Variants in SYBU observed in about 807,000 individuals in gnomAD.
The protein encoded by SYBU is GOLSYN A protein.
A neutral mutation model predicts 35.9 loss-of-function variants in SYBU; 21 were observed. That is an observed-to-expected ratio of 0.58 (90% CI 0.41 to 0.84). The LOEUF (loss-of-function observed/expected upper bound fraction) is 0.84, where lower values mean the gene tolerates loss of function less well. Ranked by LOEUF, SYBU falls within the 40% of genes least tolerant of loss-of-function variation. The probability of loss-of-function intolerance (pLI) is 0.00; values close to 1 mark genes in which losing one functional copy is unlikely to be tolerated. For missense variants in SYBU, 768 were observed against 848.2 expected, an observed-to-expected ratio of 0.91 and a Z score of 1.17; for synonymous variants, 319 against 324.3, an observed-to-expected ratio of 0.98 and a Z score of 0.18.
Position 109,577,884 on chromosome 8 carries a change from G to A in SYBU, c.868C>T (p.Arg290Cys), listed in dbSNP as rs748938574. The A allele has an allele frequency of 9.9e-6, 16 of 1,612,890 alleles. No individual in the cohort carries two copies. The highest frequency in any genetic ancestry group is 4.4e-5 in the South Asian group (4 of 90,748). The change falls in exon 6 of 7, where the codon CGC becomes TGC. Residue 290 changes from arginine (R) to cysteine (C), a missense_variant. Transcript: ENST00000276646. ...CAGATTCACCTTTCATGGAGTCGGC[G>A]CTCAGATTCCTTCAGCTTGGTTTTG... ...HLKTKLKESE[R>C]RLHERESEIV...
intron 2 of SYBU, among the ~76,000 whole-genome samples, chr8:109,621,739 C>T (rs1218081649): frequency 6.6e-6 from 1 of 152,168 alleles, no homozygotes; most frequent in Admixed American, 6.5e-5. Context: ...TAAAGTTAAT[C>T]CATATCCAAG....
intron 3 of SYBU, among the ~76,000 whole-genome samples, chr8:109,597,757 C>G: frequency 6.6e-6 from 1 of 152,112 alleles, no homozygotes; most frequent in Admixed American, 6.5e-5. Flanking sequence ...AACTGCTATG[C>G]TTTTTAGATG....
intron 1 of SYBU, among the ~76,000 whole-genome samples, chr8:109,656,593 G>A (rs1049820951): frequency 6.6e-6 from 1 of 152,214 alleles, no homozygotes; most frequent in African/African-American, 2.4e-5. Context: ...GCTCACTTAA[G>A]AATTGCCTTA....
intron 3 of SYBU, among the ~76,000 whole-genome samples, chr8:109,595,124 TG>T (rs1173489283): frequency 1.3e-5 from 2 of 152,212 alleles, no homozygotes; most frequent in Non-Finnish European, 2.9e-5. Flanking sequence ...TTACCCTCTT[TG>T]AACCATATCA....
At chr8:109,630,692 T>C (rs1338458543) in intron 2 of SYBU, among the ~76,000 whole-genome samples, 1 of 152,120 alleles carries the variant, frequency 6.6e-6, no homozygotes, top group Non-Finnish European at 1.5e-5. Context: ...GAAAAATGGG[T>C]TTATGATTGT....
chr8:109,632,065 T>G (rs1813687131), intron 2 of SYBU, among the ~76,000 whole-genome samples: 1 of 152,158 alleles, frequency 6.6e-6, no homozygotes, highest in Non-Finnish European at 1.5e-5. Context: ...TTTTATTTTT[T>G]TGAGACAGAG....
chr8:109,656,472 T>A (rs1816360980), intron 1 of SYBU, among the ~76,000 whole-genome samples: 1 of 152,214 alleles, frequency 6.6e-6, no homozygotes, highest in African/African-American at 2.4e-5. Flanking sequence ...TTGTCATTTT[T>A]CTCTTTTAAT....
intron 1 of SYBU, among the ~76,000 whole-genome samples, chr8:109,651,455 T>C (rs1816134605): frequency 7.5e-6 from 1 of 132,678 alleles, no homozygotes; most frequent in Non-Finnish European, 1.6e-5. Flanking sequence ...AGACTTTTTT[T>C]TTTTTTTTTT....
intron 2 of SYBU, among the ~76,000 whole-genome samples, chr8:109,623,031 G>GCACA (rs71305963): frequency 2.7e-5 from 4 of 150,782 alleles, no homozygotes; most frequent in African/African-American, 7.3e-5. Context: ...GTGCGCGCGC[G>GCACA]CACACACACA....
chr8:109,623,394 A>T (rs2130427903), intron 2 of SYBU, among the ~76,000 whole-genome samples: 1 of 152,356 alleles, frequency 6.6e-6, no homozygotes, highest in East Asian at 1.9e-4. Context: ...ATTGGTGAAC[A>T]CACAGGATTA....
At chr8:109,678,058 C>T (rs772804599) in intron 1 of SYBU, among the ~76,000 whole-genome samples, 5 of 136,058 alleles carry the variant, frequency 3.7e-5, no homozygotes, top group East Asian at 2.6e-4. Context: ...CACTTGAACC[C>T]GGGAGGTGGG....
intron 1 of SYBU, among the ~76,000 whole-genome samples, chr8:109,690,816 C>G (rs1308614559): frequency 6.6e-6 from 1 of 152,172 alleles, no homozygotes; most frequent in East Asian, 1.9e-4. Context: ...CCTTTCTCAC[C>G]TGGAATAGTC....
At chr8:109,634,702 C>T (rs902960166) in intron 2 of SYBU, among the ~76,000 whole-genome samples, 1 of 152,098 alleles carries the variant, frequency 6.6e-6, no homozygotes, top group Non-Finnish European at 1.5e-5. Flanking sequence ...CTTTGGGAGG[C>T]CAAAGCAAGC....
Position 109,642,784 on chromosome 8 carries a change from T to C in SYBU, c.173A>G (p.Asn58Ser), listed in dbSNP as rs1386138829. Residue 58 changes from asparagine (N) to serine (S), a missense_variant, in exon 2 of 7, where the codon AAC (asparagine) becomes AGC (serine). By Grantham distance (46) the Asn-to-Ser change is conservative (BLOSUM62 1). Coordinates refer to ENST00000276646, the MANE Select transcript of SYBU (RefSeq NM_001099754.2). ...CGCTGAGCGCCCAGAGCTGCTGGGG[T>C]TGAACTCTCTGCTCTCTTCCTCAGA... Reference protein sequence around the residue: ...PFSEEESREFNPSSSGRSART... With the variant: ...PFSEEESREFSPSSSGRSART... 1 of 1,613,582 alleles carries C rather than the reference T, an allele frequency of 6.2e-7. No individual in the cohort carries two copies. Among genetic ancestry groups the C allele is most frequent in the South Asian group, 1.1e-5 (1 of 90,966 alleles).
intron 2 of SYBU, among the ~76,000 whole-genome samples, chr8:109,631,188 T>A (rs1813586107): frequency 6.6e-6 from 1 of 152,066 alleles, no homozygotes; most frequent in Non-Finnish European, 1.5e-5. Context: ...CTTTTGCAAA[T>A]GAAGGTAGTT....
intron 2 of SYBU, among the ~76,000 whole-genome samples, chr8:109,636,677 C>A (rs183578146): frequency 2.0e-4 from 31 of 152,058 alleles, no homozygotes; most frequent in Non-Finnish European, 4.4e-4. Flanking sequence ...CCCCTTTTGG[C>A]GTAACCCCAA....
In SYBU at chr8:109,574,762, C is replaced by T; in HGVS notation, c.*144G>A. On this transcript the variant is annotated 3_prime_UTR_variant, in exon 7 of 7. Transcript: ENST00000276646. ...GATACCTCCGGTTTTAAACAGTGAACAGGCTTCAACTAAATATAGTGCAAA... is the reference window on the plus strand; with the variant it reads ...GATACCTCCGGTTTTAAACAGTGAATAGGCTTCAACTAAATATAGTGCAAA... 1 of 869,340 alleles carries T rather than the reference C, an allele frequency of 1.2e-6. No individual in the cohort carries two copies. Among genetic ancestry groups the T allele is most frequent in the East Asian group, 2.7e-5 (1 of 37,226 alleles). 53.9% of individuals were successfully genotyped at this position (869,340 alleles called of 1,614,324 possible).
chr8:109,609,782 T>G (rs1182154769), intron 3 of SYBU, among the ~76,000 whole-genome samples: 1 of 152,016 alleles, frequency 6.6e-6, no homozygotes, highest in African/African-American at 2.4e-5. Context: ...AATAAATAAT[T>G]AAAACACCTA....
chr8:109,616,939 G>A (rs1811864227), intron 3 of SYBU, among the ~76,000 whole-genome samples: 2 of 151,852 alleles, frequency 1.3e-5, no homozygotes, highest in Non-Finnish European at 2.9e-5. Flanking sequence ...AGGAGTTTGA[G>A]ACCAGCCTGA....
Sources: gnomAD v4.1 joint callset for allele counts (sites outside exome capture counted in the v4.1 genomes callset) on GRCh38, gnomAD v4.1.1 for gene constraint, MANE v1.5 for transcripts, NCBI Gene and HGNC (gene_info 2026-07-23, HGNC 2026-07-21) for gene names.